The following CLTC variants were observed in gnomAD, a reference collection of about 807,000 sequenced individuals.
CLTC encodes the protein clathrin heavy chain.
CLTC carries 16 observed loss-of-function variants against 195.8 expected under a neutral mutation model. The ratio of observed to expected loss-of-function variants is 0.08; its 90% CI spans 0.06 to 0.12. The LOEUF is 0.12. Ranked by LOEUF, CLTC falls within the 10% of genes least tolerant of loss-of-function variation. CLTC has a pLI of 1.00. For missense variants in CLTC, 796 were observed against 2,027.0 expected, an observed-to-expected ratio of 0.39 and a Z score of 11.66; for synonymous variants, 667 against 689.4, an observed-to-expected ratio of 0.97 and a Z score of 0.51.
At position 59,694,143 on chromosome 17, in the gene CLTC, T is replaced by A; in HGVS notation, c.*291T>A. On this transcript the variant is annotated 3_prime_UTR_variant, in exon 32 of 32. Transcript: ENST00000269122. Reference sequence around the variant, plus strand: ...AAGAACTGCTCAATATTCAATCTGTTGTGAAGAACCTGATTTGCACTCTGT... The same window carrying A: ...AAGAACTGCTCAATATTCAATCTGTAGTGAAGAACCTGATTTGCACTCTGT... 1 of 266,206 alleles carries A rather than the reference T, an allele frequency of 3.8e-6. No homozygotes were observed. The highest frequency in any genetic ancestry group is 7.2e-6 in the Non-Finnish European group (1 of 139,482). 16.5% of individuals were successfully genotyped at this position (266,206 alleles called of 1,614,324 possible). A position where few individuals can be genotyped will look rare whatever the true frequency, so the allele number is the denominator to read the frequency against.
At chr17:59,627,128 C>T (rs896306365) in intron 1 of CLTC, among the ~76,000 whole-genome samples, 3 of 152,034 alleles carry the variant, frequency 2.0e-5, no homozygotes, top group Admixed American at 6.6e-5. Flanking sequence ...CTCAAAATCC[C>T]GGGCTCAAGC....
Position 59,620,003 on chromosome 17 carries a change from C to A in CLTC, c.-129C>A, listed in dbSNP as rs1213876202. 2.9e-5 allele frequency: 22 copies of A among 752,094 alleles called. No individual in the cohort carries two copies. Among genetic ancestry groups the A allele is most frequent in the Non-Finnish European group, 4.4e-5 (20 of 454,108 alleles). The allele number at this position is 752,094 out of a possible 1,614,324, so 46.6% of individuals were successfully genotyped here. ...CTTTCGTCTGCCTGCCAGTTTCCTGCGTCCCCGGAGAGGATCCTGCTGAGC... is the reference window on the plus strand; with the variant it reads ...CTTTCGTCTGCCTGCCAGTTTCCTGAGTCCCCGGAGAGGATCCTGCTGAGC... On this transcript the variant is annotated 5_prime_UTR_variant, in exon 1 of 32. Transcript: ENST00000269122.
At chr17:59,628,034 G>A (rs2031603593) in intron 1 of CLTC, among the ~76,000 whole-genome samples, 1 of 152,202 alleles carries the variant, frequency 6.6e-6, no homozygotes, top group South Asian at 2.1e-4. Context: ...AAGGAAAATG[G>A]TTACAGACTT....
intron 30 of CLTC, chr17:59,689,055 A>C (rs1168726186): frequency 6.6e-6 from 1 of 152,158 alleles, no homozygotes; most frequent in Non-Finnish European, 1.5e-5. Context: ...TGGTACTTAT[A>C]CTACATAATA....
At chr17:59,658,376 C>T (rs554484845) in intron 6 of CLTC, among the ~76,000 whole-genome samples, 2 of 152,334 alleles carry the variant, frequency 1.3e-5, no homozygotes, top group African/African-American at 4.8e-5. Flanking sequence ...TAAGATAGCG[C>T]TTAACCTTAA....
chr17:59,679,673 T>A (rs1310670513), intron 18 of CLTC, 154 bp downstream of exon 18: 2 of 447,842 alleles, frequency 4.5e-6, no homozygotes, highest in Non-Finnish European at 7.3e-6. Context: ...TTATATATAT[T>A]CAATTTACAT....
chr17:59,665,619 A>T (rs1332477201), intron 10 of CLTC, among the ~76,000 whole-genome samples: 4 of 152,102 alleles, frequency 2.6e-5, no homozygotes, highest in African/African-American at 9.7e-5. Context: ...TGGGCAGATC[A>T]CCTGAGGTCA....
intron 1 of CLTC, among the ~76,000 whole-genome samples, chr17:59,635,850 C>T (rs973290722): frequency 2.6e-5 from 4 of 152,122 alleles, no homozygotes; most frequent in African/African-American, 9.7e-5. Flanking sequence ...GTGAACAAAG[C>T]GAATTGGCCC....
intron 1 of CLTC, among the ~76,000 whole-genome samples, chr17:59,636,984 G>T (rs1355972379): frequency 8.1e-6 from 1 of 122,828 alleles, no homozygotes; most frequent in Non-Finnish European, 1.6e-5. Context: ...GTTTTGCCAT[G>T]TTGGCCAGGC....
At position 59,696,720 on chromosome 17, in the gene CLTC, CAA is replaced by C. The variant is rs2033436246; in HGVS notation, c.*2870_*2871del. ...TAGGAAAAAATACTAGCAGGGATGACAAACTACGTTCACTTTACAGTTACCAT... is the reference window on the plus strand; with the variant it reads ...TAGGAAAAAATACTAGCAGGGATGACACTACGTTCACTTTACAGTTACCAT... On this transcript the variant is annotated 3_prime_UTR_variant, in exon 32 of 32. Coordinates refer to ENST00000269122, the MANE Select transcript of CLTC (RefSeq NM_004859.4). 9.6e-6 allele frequency: 2 copies of C among 207,856 alleles called. No individual in the cohort carries two copies. Among genetic ancestry groups the C allele is most frequent in the Non-Finnish European group, 2.0e-5 (2 of 102,036 alleles). 12.9% of individuals were successfully genotyped at this position (207,856 alleles called of 1,614,324 possible).
intron 1 of CLTC, 91 bp from the exon 2 acceptor site, chr17:59,644,185 A>G (rs1464530042): frequency 2.1e-6 from 2 of 953,454 alleles, no homozygotes; most frequent in Non-Finnish European, 3.2e-6. Flanking sequence ...TGAAGCATTA[A>G]TGTTAAGTGA....
At chr17:59,622,258 A>T (rs1283781858) in intron 1 of CLTC, among the ~76,000 whole-genome samples, 1 of 152,218 alleles carries the variant, frequency 6.6e-6, no homozygotes, top group Non-Finnish European at 1.5e-5. Context: ...TCATGCCTAA[A>T]CTTAAGCTTG....
chr17:59,624,469 T>TTTG (rs2031483695), intron 1 of CLTC, among the ~76,000 whole-genome samples: 1 of 145,548 alleles, frequency 6.9e-6, no homozygotes, highest in African/African-American at 2.6e-5. Context: ...TTTTTTTTTT[T>TTTG]TTTTTTTTTT....
In CLTC at chr17:59,644,523, G is replaced by GT. The variant is rs763122941; in HGVS notation, c.250+45dup. Reference sequence around the variant, plus strand: ...GGGTTTTCCTTAAAACTCTTCCTATGTTTTTGTTTTTTTTTGTTTTTTTTT... The same window carrying GT: ...GGGTTTTCCTTAAAACTCTTCCTATGTTTTTTGTTTTTTTTTGTTTTTTTTT... On this transcript the variant is annotated intron_variant, in intron 2 of 31. Transcript: ENST00000269122. The GT allele has an allele frequency of 8.0e-5, 112 of 1,408,360 alleles. No homozygotes were observed. The African/African-American group carries it at 1.4e-3, about 18-fold the overall frequency. 87.2% of individuals were successfully genotyped at this position (1,408,360 alleles called of 1,614,324 possible).
At chr17:59,686,186 A>G (rs986502705) in intron 30 of CLTC, among the ~76,000 whole-genome samples, 2 of 152,070 alleles carry the variant, frequency 1.3e-5, no homozygotes, top group African/African-American at 4.8e-5. Flanking sequence ...AATGATGTCT[A>G]TGCCTGTTTC....
intron 1 of CLTC, among the ~76,000 whole-genome samples, chr17:59,623,965 A>G (rs2031464117): frequency 1.3e-5 from 2 of 152,242 alleles, no homozygotes; most frequent in African/African-American, 2.4e-5. Flanking sequence ...TTGAAGATTT[A>G]TCTCACCACT....
At chr17:59,680,007 A>G (rs758302184) in intron 18 of CLTC, among the ~76,000 whole-genome samples, 2 of 152,108 alleles carry the variant, frequency 1.3e-5, no homozygotes, top group Non-Finnish European at 2.9e-5. Context: ...AGATCACGCC[A>G]TTGCACTCCA....
chr17:59,690,684 G>C lies in CLTC; in HGVS notation c.4876G>C (p.Ala1626Pro). 1 of 1,613,070 alleles carries C rather than the reference G, an allele frequency of 6.2e-7. No individual in the cohort carries two copies. Among genetic ancestry groups the C allele is most frequent in the Non-Finnish European group, 8.5e-7 (1 of 1,179,522 alleles). ...SESLRKEEEQ[A>P]TETQPIVYGQ... is the part of the protein sequence containing the mutation. ...ATCACTGAGAAAAGAAGAAGAACAAGCTACAGAGACACAACCCATTGTTTA... is the reference window on the plus strand; with the variant it reads ...ATCACTGAGAAAAGAAGAAGAACAACCTACAGAGACACAACCCATTGTTTA... Residue 1626 changes from alanine to proline, a missense_variant, in exon 31 of 32, where the codon GCT (alanine) becomes CCT (proline). Transcript: ENST00000269122.
chr17:59,672,450 CTT>C (rs10532186), intron 14 of CLTC, among the ~76,000 whole-genome samples: 117,681 of 151,772 alleles, frequency 0.78, 46,576 homozygotes, highest in East Asian at 0.93. Context: ...TTGATCCATA[CTT>C]TTTTGATGTT....
Sources: allele counts gnomAD v4.1 joint callset (sites outside exome capture counted in the v4.1 genomes callset), GRCh38; gene constraint gnomAD v4.1.1; transcripts MANE v1.5; gene names NCBI Gene and HGNC (gene_info 2026-07-23, HGNC 2026-07-21).